The following ANKRD27 variants were observed in gnomAD, a reference collection of about 807,000 sequenced individuals.
ANKRD27 encodes ankyrin repeat domain-containing protein 27.
A neutral mutation model predicts 129.7 loss-of-function variants in ANKRD27; 112 were observed. That is an observed-to-expected ratio of 0.86 (90% CI 0.74 to 1.01). ANKRD27 has a LOEUF of 1.01. Ranked by LOEUF, ANKRD27 falls within the 50% of genes least tolerant of loss-of-function variation. The pLI is 0.00. For missense variants in ANKRD27, 1,258 were observed against 1,300.5 expected, an observed-to-expected ratio of 0.97 and a Z score of 0.50; for synonymous variants, 516 against 511.2, an observed-to-expected ratio of 1.01 and a Z score of -0.13.
intron 1 of ANKRD27, among the ~76,000 whole-genome samples, chr19:32,665,168 T>C (rs1420430703): frequency 6.6e-6 from 1 of 152,054 alleles, no homozygotes; most frequent in Admixed American, 6.6e-5. Context: ...AAAGCTCCCC[T>C]CCAGCTTGTT....
intron 22 of ANKRD27, among the ~76,000 whole-genome samples, chr19:32,608,178 T>A (rs1971778052): frequency 2.7e-5 from 4 of 150,856 alleles, no homozygotes; most frequent in Non-Finnish European, 5.9e-5. Context: ...TAATTTTTTT[T>A]TTTTTTTTTT....
At chr19:32,666,838 G>C (rs986834129) in intron 1 of ANKRD27, among the ~76,000 whole-genome samples, 6 of 151,784 alleles carry the variant, frequency 4.0e-5, no homozygotes, top group African/African-American at 1.5e-4. Flanking sequence ...GTAGAGACGG[G>C]GTTTCATCAT....
Position 32,626,800 on chromosome 19 carries a change from A to G in ANKRD27, c.1448T>C (p.Val483Ala). 1.2e-6 allele frequency: 2 copies of G among 1,611,714 alleles called. No homozygotes were observed. The highest frequency in any genetic ancestry group is 1.7e-6 in the Non-Finnish European group (2 of 1,179,010). ...GGCATTTACCATGGCGCCCTTGGAAACCAGGAGGTCGATGAGGGATGCCTG... is the reference window on the plus strand; with the variant it reads ...GGCATTTACCATGGCGCCCTTGGAAGCCAGGAGGTCGATGAGGGATGCCTG... Reference protein sequence around the residue: ...CGQASLIDLLVSKGAMVNATD... With the variant: ...CGQASLIDLLASKGAMVNATD... The change falls in exon 16 of 29, where the codon GTT becomes GCT. Residue 483 changes from valine (V) to alanine (A), a missense_variant. Coordinates refer to ENST00000306065, the MANE Select transcript of ANKRD27 (RefSeq NM_032139.3).
At chr19:32,663,437 C>T (rs1399235272) in intron 1 of ANKRD27, among the ~76,000 whole-genome samples, 1 of 152,202 alleles carries the variant, frequency 6.6e-6, no homozygotes, top group Non-Finnish European at 1.5e-5. Context: ...TAAAGATAGT[C>T]CTTATGATTT....
At chr19:32,617,012 C>T (rs60661739) in intron 21 of ANKRD27, among the ~76,000 whole-genome samples, 176 of 152,304 alleles carry the variant, frequency 1.2e-3, no homozygotes, top group African/African-American at 3.3e-3. Context: ...GTCTTGGCAA[C>T]GTCTCATCAC....
At chr19:32,635,840 T>C (rs772300505) in intron 12 of ANKRD27, among the ~76,000 whole-genome samples, 1 of 152,160 alleles carries the variant, frequency 6.6e-6, no homozygotes, top group African/African-American at 2.4e-5. Flanking sequence ...ATCTAAAATT[T>C]TGGTTAAAAA....
intron 1 of ANKRD27, among the ~76,000 whole-genome samples, chr19:32,674,043 G>C (rs1967928154): frequency 6.6e-6 from 1 of 151,664 alleles, no homozygotes; most frequent in Admixed American, 6.6e-5. Flanking sequence ...TGTAGTCCCA[G>C]CTACTACAGA....
chr19:32,671,807 T>TA (rs1967875560), intron 1 of ANKRD27, among the ~76,000 whole-genome samples: 1 of 152,220 alleles, frequency 6.6e-6, no homozygotes. Context: ...AAACTTCTTT[T>TA]AAAAAATTCC....
Position 32,597,880 on chromosome 19 carries a change from CACCTCTGGCT to C in ANKRD27, c.*255_*264del. On this transcript the variant is annotated 3_prime_UTR_variant, in exon 29 of 29. Coordinates refer to ENST00000306065, the MANE Select transcript of ANKRD27 (RefSeq NM_032139.3). Reference sequence around the variant, plus strand: ...ACCCTCATACTTAAAAAGAAGCATGCACCTCTGGCTTAAGGATCTGGATGCTACTGGAATT... The same window carrying C: ...ACCCTCATACTTAAAAAGAAGCATGCTAAGGATCTGGATGCTACTGGAATT... 2.0e-6 allele frequency: 1 copy of C among 509,236 alleles called. No individual in the cohort carries two copies. Among genetic ancestry groups the C allele is most frequent in the Non-Finnish European group, 3.6e-6 (1 of 281,378 alleles). The allele number at this position is 509,236 out of a possible 1,614,324, so 31.5% of individuals were successfully genotyped here.
intron 12 of ANKRD27, among the ~76,000 whole-genome samples, chr19:32,632,584 C>CAAA (rs531083631): frequency 7.6e-5 from 8 of 105,244 alleles, no homozygotes; most frequent in Non-Finnish European, 1.3e-4. Context: ...GACTCCATCT[C>CAAA]AAAAAAAAAA....
chr19:32,629,555 C>T lies in ANKRD27; in HGVS notation c.1210-706G>A, dbSNP rs149535338. ...TCTCTACTAAAAATACAAAACTTAG[C>T]CGGATGTGGTGGCAGACGCCTGTAA... On this transcript the variant is annotated intron_variant, in intron 13 of 28. Coordinates refer to ENST00000306065, the MANE Select transcript of ANKRD27 (RefSeq NM_032139.3). Among the ~76,000 whole-genome samples the T allele has an allele frequency of 6.1e-3, 926 of 152,176 alleles. 10 individuals are homozygous for T. Among genetic ancestry groups the T allele is most frequent in the African/African-American group, 0.018 (761 of 41,520 alleles).
rs59773833 is a variant in ANKRD27 at position 32,609,048 on chromosome 19, A to G, written c.2176-1216T>C. 5.7e-3 allele frequency among the ~76,000 whole-genome samples: 859 copies of G among 151,702 alleles called. 32 individuals carry two copies. The East Asian group carries it at 0.098, about 17-fold the overall frequency. ...ACACCTGGCTGATTTTTGTATTTGT[A>G]GTAGAGACAGGGTTTTGCCACGTTG... On this transcript the variant is annotated intron_variant, in intron 22 of 28. Coordinates refer to ENST00000306065, the MANE Select transcript of ANKRD27 (RefSeq NM_032139.3).
chr19:32,665,193 C>G (rs1454688523), intron 1 of ANKRD27, among the ~76,000 whole-genome samples: 1 of 151,974 alleles, frequency 6.6e-6, no homozygotes, highest in East Asian at 1.9e-4. Flanking sequence ...AAAGGTTATT[C>G]CTTGTCCTTT....
intron 12 of ANKRD27, among the ~76,000 whole-genome samples, chr19:32,633,202 G>C (rs1485630132): frequency 6.6e-6 from 1 of 152,058 alleles, no homozygotes; most frequent in Non-Finnish European, 1.5e-5. Flanking sequence ...GAAGAGAGGG[G>C]GTATCAGCAA....
chr19:32,631,176 C>T (rs1034509297), intron 13 of ANKRD27, among the ~76,000 whole-genome samples: 1 of 152,082 alleles, frequency 6.6e-6, no homozygotes, highest in African/African-American at 2.4e-5. Flanking sequence ...TGTCACCACA[C>T]CCAGCTAATT....
At chr19:32,671,121 C>T (rs1221796311) in intron 1 of ANKRD27, among the ~76,000 whole-genome samples, 1 of 151,802 alleles carries the variant, frequency 6.6e-6, no homozygotes, top group African/African-American at 2.4e-5. Context: ...AAAGTGAGAC[C>T]CTGTCTCTAC....
chr19:32,650,893 T>C (rs1967404321), intron 2 of ANKRD27, among the ~76,000 whole-genome samples: 1 of 145,386 alleles, frequency 6.9e-6, no homozygotes, highest in Non-Finnish European at 1.5e-5. Flanking sequence ...GGACAACAGG[T>C]GCACACAACC....
Position 32,617,271 on chromosome 19 carries a change from G to C in ANKRD27, c.2052+318C>G, listed in dbSNP as rs73569786. ...TAAAAAGCACTTCTAAAGCTGGGCA[G>C]GGTGGCTCACACCTGTAATCCAAGT... On this transcript the variant is annotated intron_variant, in intron 21 of 28. Transcript: ENST00000306065. Among the ~76,000 whole-genome samples the C allele has an allele frequency of 7.7e-4, 117 of 152,222 alleles. 1 individual carries two copies. The highest frequency in any genetic ancestry group is 2.6e-3 in the African/African-American group (110 of 41,534).
At chr19:32,622,398 C>A (rs1281771000) in intron 18 of ANKRD27, 24 bp downstream of exon 18, 1 of 1,611,890 alleles carries the variant, frequency 6.2e-7, no homozygotes. Context: ...AGTCATCTTG[C>A]CCCTCAGAGA....
Sources: gnomAD v4.1 joint callset for allele counts (sites outside exome capture counted in the v4.1 genomes callset) on GRCh38, gnomAD v4.1.1 for gene constraint, MANE v1.5 for transcripts, NCBI Gene and HGNC (gene_info 2026-07-23, HGNC 2026-07-21) for gene names.